Variants in SLC4A7 observed in about 807,000 individuals in gnomAD.
SLC4A7 encodes the protein solute carrier family 4 member 7.
In SLC4A7, 51 loss-of-function variants were observed where a neutral mutation model predicts 137.6. The observed-to-expected ratio is 0.37, with a 90% CI of 0.30 to 0.47. SLC4A7 has a LOEUF of 0.47. Ranked by LOEUF, SLC4A7 falls within the 20% of genes least tolerant of loss-of-function variation. The probability of loss-of-function intolerance (pLI) is 1.00; values close to 1 mark genes in which losing one functional copy is unlikely to be tolerated. For missense variants in SLC4A7, 1,247 were observed against 1,525.4 expected, an observed-to-expected ratio of 0.82 and a Z score of 3.04; for synonymous variants, 542 against 518.6, an observed-to-expected ratio of 1.05 and a Z score of -0.61.
chr3:27,475,483 T>C (rs1241650642), intron 1 of SLC4A7, among the ~76,000 whole-genome samples: 1 of 152,028 alleles, frequency 6.6e-6, no homozygotes, highest in East Asian at 1.9e-4. Context: ...CATGTACTTG[T>C]TACATCTAGG....
chr3:27,457,023 T>C, intron 1 of SLC4A7: 1 of 646,598 alleles, frequency 1.5e-6, no homozygotes, highest in Non-Finnish European at 1.9e-6. Flanking sequence ...TATATGTGGA[T>C]GGATGTGTGA....
At chr3:27,419,494 C>T (rs1242731627) in intron 10 of SLC4A7, among the ~76,000 whole-genome samples, 5 of 151,512 alleles carry the variant, frequency 3.3e-5, no homozygotes, top group East Asian at 4.1e-4. Flanking sequence ...TGCCACCACA[C>T]CCAGCTAATT....
In SLC4A7 at chr3:27,394,559, T is replaced by C; in HGVS notation, c.3076A>G (p.Ile1026Val). Residue 1026 changes from isoleucine to valine, a missense_variant, in exon 20 of 26, where the codon ATT becomes GTT. This residue lies in a region of SLC4A7 where 290 missense variants were observed against 323.8 expected (regional missense o/e 0.90). Transcript: ENST00000454389. ...EQRVTGLMIFILMGLSVFMTS... is the reference protein window; with the variant it reads ...EQRVTGLMIFVLMGLSVFMTS... ...ATGAACACAGAGAGGCCCATTAGAA[T>C]AAAAATCATTAGCCCTGTAACCCGC... 1 of 1,614,114 alleles carries C rather than the reference T, an allele frequency of 6.2e-7. No individual in the cohort carries two copies. The highest frequency in any genetic ancestry group is 8.5e-7 in the Non-Finnish European group (1 of 1,179,958).
intron 3 of SLC4A7, among the ~76,000 whole-genome samples, chr3:27,448,195 T>G (rs1576532267): frequency 7.9e-6 from 1 of 127,354 alleles, no homozygotes; most frequent in African/African-American, 3.0e-5. Flanking sequence ...CCAGCCGGGG[T>G]GACAGAGTAA....
chr3:27,425,986 T>G (rs1465734422), intron 7 of SLC4A7, among the ~76,000 whole-genome samples: 2 of 152,204 alleles, frequency 1.3e-5, no homozygotes, highest in South Asian at 4.1e-4. Flanking sequence ...TCTGAAGATG[T>G]ACTGGTAATC....
intron 14 of SLC4A7, among the ~76,000 whole-genome samples, chr3:27,404,303 G>A (rs952619158): frequency 6.6e-6 from 1 of 152,184 alleles, no homozygotes; most frequent in African/African-American, 2.4e-5. Context: ...GGAGGCAGAG[G>A]TTGCAGTGAG....
intron 22 of SLC4A7, among the ~76,000 whole-genome samples, chr3:27,389,046 C>T (rs1314870042): frequency 6.6e-6 from 1 of 151,970 alleles, no homozygotes; most frequent in Non-Finnish European, 1.5e-5. Flanking sequence ...TATCCATTCT[C>T]TCATTTTCTT....
intron 16 of SLC4A7, among the ~76,000 whole-genome samples, chr3:27,399,192 T>C (rs1011076039): frequency 6.6e-6 from 1 of 152,014 alleles, no homozygotes; most frequent in Non-Finnish European, 1.5e-5. Context: ...GTAAACCTAA[T>C]CCATTCCATG....
chr3:27,407,131 A>C (rs1247465759), intron 13 of SLC4A7, among the ~76,000 whole-genome samples: 5 of 132,428 alleles, frequency 3.8e-5, no homozygotes, highest in African/African-American at 1.4e-4. Context: ...TTTTTTTCTA[A>C]TTTTTGAACT....
intron 14 of SLC4A7, among the ~76,000 whole-genome samples, 196 bp from the exon 15 acceptor site, chr3:27,403,580 A>C (rs995495621): frequency 1.3e-5 from 2 of 150,564 alleles, no homozygotes; most frequent in Non-Finnish European, 3.0e-5. Context: ...TTATTAGTAG[A>C]TTTATTATTA....
intron 22 of SLC4A7, among the ~76,000 whole-genome samples, chr3:27,389,385 G>A (rs1228931274): frequency 1.3e-5 from 2 of 151,650 alleles, no homozygotes; most frequent in African/African-American, 4.8e-5. Context: ...AATTTTTATA[G>A]CTTTTTAAAT....
chr3:27,431,087 G>T (rs760688273), intron 7 of SLC4A7, among the ~76,000 whole-genome samples: 4 of 151,948 alleles, frequency 2.6e-5, no homozygotes, highest in Non-Finnish European at 5.9e-5. Context: ...TTTTGCCATT[G>T]AAAGTAAAGC....
intron 1 of SLC4A7, among the ~76,000 whole-genome samples, chr3:27,465,231 G>C (rs1328771681): frequency 7.2e-6 from 1 of 139,430 alleles, no homozygotes; most frequent in Non-Finnish European, 1.5e-5. Context: ...GGAGTTTGCA[G>C]TAAACCGAGA....
chr3:27,445,531 C>T (rs1050788040), intron 3 of SLC4A7, among the ~76,000 whole-genome samples: 11 of 152,038 alleles, frequency 7.2e-5, no homozygotes, highest in African/African-American at 2.7e-4. Flanking sequence ...GGTTTTCCAG[C>T]TACTTTAAAT....
chr3:27,472,311 G>T (rs1183802295), intron 1 of SLC4A7, among the ~76,000 whole-genome samples: 1 of 152,108 alleles, frequency 6.6e-6, no homozygotes, highest in Non-Finnish European at 1.5e-5. Flanking sequence ...AATGCAGCTG[G>T]TTTCCGCAAT....
chr3:27,472,798 G>T (rs1385165147), intron 1 of SLC4A7, among the ~76,000 whole-genome samples: 6 of 152,124 alleles, frequency 3.9e-5, no homozygotes, highest in Admixed American at 6.5e-5. Context: ...AATTGCATCA[G>T]GCTGGGCACA....
intron 3 of SLC4A7, among the ~76,000 whole-genome samples, chr3:27,438,809 T>C (rs2056965853): frequency 6.6e-6 from 1 of 152,158 alleles, no homozygotes; most frequent in Non-Finnish European, 1.5e-5. Context: ...CAAAAAATGA[T>C]GAGAAAACTC....
At chr3:27,392,232 C>T (rs989101520) in intron 20 of SLC4A7, among the ~76,000 whole-genome samples, 2 of 152,290 alleles carry the variant, frequency 1.3e-5, no homozygotes, top group African/African-American at 4.8e-5. Flanking sequence ...TAAGCAGTAG[C>T]CTTTACTGAA....
At position 27,407,466 on chromosome 3, in the gene SLC4A7, G is replaced by A. The variant is rs538820709; in HGVS notation, c.1941+1890C>T. ...CTGCACTCCAGCCTGGTGACGGAGC[G>A]AGACTCCGCCTCAAAAAAAAAAAAA... On this transcript the variant is annotated intron_variant, in intron 13 of 25. Coordinates refer to ENST00000454389, the MANE Select transcript of SLC4A7 (RefSeq NM_001321103.2). Among the ~76,000 whole-genome samples, 31 of 145,098 alleles carry A rather than the reference G, an allele frequency of 2.1e-4. 1 individual carries two copies. The highest frequency in any genetic ancestry group is 6.9e-3 in the Middle Eastern group (2 of 288).
Sources: allele counts gnomAD v4.1 joint callset (sites outside exome capture counted in the v4.1 genomes callset), GRCh38; gene constraint gnomAD v4.1.1; regional missense constraint gnomAD v4.1.1; transcripts MANE v1.5; gene names NCBI Gene and HGNC (gene_info 2026-07-23, HGNC 2026-07-21).